The following OSBPL1A variants were observed in gnomAD, a reference collection of about 807,000 sequenced individuals.
OSBPL1A encodes oxysterol-binding protein-related protein 1.
A neutral mutation model predicts 137.1 loss-of-function variants in OSBPL1A; 80 were observed. That is an observed-to-expected ratio of 0.58 (90% confidence interval 0.49 to 0.70). The LOEUF (loss-of-function observed/expected upper bound fraction) is 0.70, where lower values mean the gene tolerates loss of function less well. OSBPL1A is among the 30% of genes least tolerant of loss of function. The probability of loss-of-function intolerance (pLI) is 0.00; values close to 1 mark genes in which losing one functional copy is unlikely to be tolerated. For missense variants in OSBPL1A, 970 were observed against 1,129.4 expected, an observed-to-expected ratio of 0.86 and a Z score of 2.02; for synonymous variants, 365 against 389.7, an observed-to-expected ratio of 0.94 and a Z score of 0.75.
chr18:24,318,566 T>C (rs927890891), intron 9 of OSBPL1A, 35 bp downstream of exon 9: 1 of 1,540,858 alleles, frequency 6.5e-7, no homozygotes, highest in Admixed American at 1.9e-5. Flanking sequence ...AATTATTCTT[T>C]ACAGTTATAT....
intron 15 of OSBPL1A, among the ~76,000 whole-genome samples, chr18:24,265,344 G>A (rs1415938652): frequency 6.6e-6 from 1 of 152,140 alleles, no homozygotes; most frequent in Admixed American, 6.5e-5. Context: ...ACCAGCCATG[G>A]TGGCATGCGC....
intron 17 of OSBPL1A, among the ~76,000 whole-genome samples, chr18:24,214,696 C>T (rs1194291413): frequency 6.6e-6 from 1 of 152,124 alleles, no homozygotes; most frequent in Admixed American, 6.5e-5. Flanking sequence ...TTTTAATAGG[C>T]TGTATGTTAT....
At chr18:24,390,105 T>A (rs1907217656) in intron 1 of OSBPL1A, among the ~76,000 whole-genome samples, 1 of 152,122 alleles carries the variant, frequency 6.6e-6, no homozygotes, top group Non-Finnish European at 1.5e-5. Context: ...CTTAAAGGTA[T>A]TAGAAAAGTT....
intron 6 of OSBPL1A, 146 bp from the exon 7 acceptor site, chr18:24,333,232 C>A: frequency 1.2e-6 from 1 of 812,586 alleles, no homozygotes; most frequent in Non-Finnish European, 1.9e-6. Context: ...CTCACTAAAC[C>A]AGCCAACCCT....
intron 1 of OSBPL1A, among the ~76,000 whole-genome samples, chr18:24,383,714 A>G (rs1205271829): frequency 6.6e-6 from 1 of 152,248 alleles, no homozygotes; most frequent in Non-Finnish European, 1.5e-5. Flanking sequence ...AGATCGTGCC[A>G]CTGCACTCCA....
At chr18:24,269,406 G>A (rs1567989495) in intron 15 of OSBPL1A, among the ~76,000 whole-genome samples, 1 of 152,108 alleles carries the variant, frequency 6.6e-6, no homozygotes, top group Non-Finnish European at 1.5e-5. Flanking sequence ...TGTTGCTTCT[G>A]GGTATGTTGC....
At chr18:24,313,256 C>T (rs372688667) in intron 12 of OSBPL1A, among the ~76,000 whole-genome samples, 4 of 151,678 alleles carry the variant, frequency 2.6e-5, no homozygotes, top group Admixed American at 1.3e-4. Context: ...GCCTGACGAA[C>T]GTGGTGAAAC....
intron 4 of OSBPL1A, among the ~76,000 whole-genome samples, chr18:24,356,325 C>T (rs149403616): frequency 3.3e-5 from 5 of 152,270 alleles, no homozygotes; most frequent in South Asian, 2.1e-4. Flanking sequence ...TGAATTCCCC[C>T]GACCATTCCC....
rs556397545 is a variant in OSBPL1A, at chr18:24,163,173, T to C, written c.*6A>G. On this transcript the variant is annotated 3_prime_UTR_variant, in exon 28 of 28. Coordinates refer to ENST00000319481, the MANE Select transcript of OSBPL1A (RefSeq NM_080597.4). Reference sequence around the variant, plus strand: ...GATTAGCCAAACACCCTGACTTGTATGCATTTTAATAAATGTCAGGCAAAT... The same window carrying C: ...GATTAGCCAAACACCCTGACTTGTACGCATTTTAATAAATGTCAGGCAAAT... 5 of 1,590,796 alleles carry C rather than the reference T, an allele frequency of 3.1e-6. No homozygotes were observed. In the South Asian group the frequency reaches 4.4e-5, roughly 14 times the overall value.
chr18:24,355,467 C>T (rs1262456979), intron 4 of OSBPL1A, among the ~76,000 whole-genome samples: 2 of 152,024 alleles, frequency 1.3e-5, no homozygotes, highest in Non-Finnish European at 2.9e-5. Flanking sequence ...CACCATTGCA[C>T]TCCAGCGCGG....
chr18:24,282,985 T>C (rs1227890417), intron 14 of OSBPL1A, among the ~76,000 whole-genome samples: 1 of 152,088 alleles, frequency 6.6e-6, no homozygotes, highest in Middle Eastern at 3.2e-3. Flanking sequence ...GGTGTGCACC[T>C]GTAGTCTCAG....
intron 15 of OSBPL1A, among the ~76,000 whole-genome samples, chr18:24,245,513 T>C (rs2088855738): frequency 1.3e-5 from 2 of 152,204 alleles, no homozygotes. Context: ...GGTCTGATGA[T>C]TACAGCTAGT....
chr18:24,351,828 CTG>C (rs2091446843), intron 4 of OSBPL1A, among the ~76,000 whole-genome samples: 1 of 152,236 alleles, frequency 6.6e-6, no homozygotes, highest in Non-Finnish European at 1.5e-5. Flanking sequence ...GCGTGAGCCA[CTG>C]TGCCCAGCCT....
Position 24,169,210 on chromosome 18 carries a change from C to T in OSBPL1A, c.2418+1117G>A, listed in dbSNP as rs540550398. 6.6e-5 allele frequency among the ~76,000 whole-genome samples: 10 copies of T among 152,306 alleles called. No homozygotes were observed. The East Asian group carries it at 1.2e-3, about 18-fold the overall frequency. ...CCAGCCACAGGAAAGCAGAATGCTC[C>T]GGCCGTTTAATAAACCTCTTTTCAC... On this transcript the variant is annotated intron_variant, in intron 24 of 27. Coordinates refer to ENST00000319481, the MANE Select transcript of OSBPL1A (RefSeq NM_080597.4).
At chr18:24,181,661 A>C (rs903523602) in intron 18 of OSBPL1A, among the ~76,000 whole-genome samples, 8 of 152,230 alleles carry the variant, frequency 5.3e-5, no homozygotes, top group Non-Finnish European at 8.8e-5. Context: ...CTGCAGGGCC[A>C]TTAATTACTG....
chr18:24,164,225 G>A (rs1057167904), intron 27 of OSBPL1A, among the ~76,000 whole-genome samples: 1 of 152,056 alleles, frequency 6.6e-6, no homozygotes, highest in African/African-American at 2.4e-5. Context: ...AACAGGATAC[G>A]AGAAAATGTT....
intron 16 of OSBPL1A, among the ~76,000 whole-genome samples, chr18:24,227,833 ATTAT>A (rs2088135257): frequency 6.6e-6 from 1 of 152,322 alleles, no homozygotes; most frequent in Admixed American, 6.5e-5. Context: ...CTGTACTGGT[ATTAT>A]TTAAGACACA....
chr18:24,164,341 C>CA (rs1237605613), intron 27 of OSBPL1A, among the ~76,000 whole-genome samples: 1 of 141,244 alleles, frequency 7.1e-6, no homozygotes, highest in Non-Finnish European at 1.5e-5. Flanking sequence ...GGCAAGGATG[C>CA]AAAAAAAGCA....
At chr18:24,205,227 T>C (rs570713281) in intron 17 of OSBPL1A, among the ~76,000 whole-genome samples, 1 of 152,354 alleles carries the variant, frequency 6.6e-6, no homozygotes, top group Non-Finnish European at 1.5e-5. Context: ...TGCCACTTAC[T>C]GACTGTGTGA....
Sources: gnomAD v4.1 joint callset for allele counts (sites outside exome capture counted in the v4.1 genomes callset) on GRCh38, gnomAD v4.1.1 for gene constraint, MANE v1.5 for transcripts, NCBI Gene and HGNC (gene_info 2026-07-23, HGNC 2026-07-21) for gene names.